TBC1D8: variants seen among roughly 807,000 people sequenced by gnomAD.
The protein encoded by TBC1D8 is TBC1 domain family member 8.
Under a neutral mutation model 118.8 loss-of-function variants are expected in TBC1D8, and 65 were observed. That is an observed-to-expected ratio of 0.55 (90% CI 0.45 to 0.67). TBC1D8 has a LOEUF of 0.67. Among genes scored for constraint, TBC1D8 ranks in the 30% least tolerant of loss-of-function variants. The pLI is 0.00. For synonymous variants in TBC1D8, 566 were observed against 595.8 expected (o/e 0.95, Z 0.73); for missense variants, 1,376 against 1,471.2 (o/e 0.94, Z 1.06).
intron 15 of TBC1D8, among the ~76,000 whole-genome samples, chr2:101,026,612 C>G (rs774885790): frequency 6.6e-6 from 1 of 152,170 alleles, no homozygotes; most frequent in Non-Finnish European, 1.5e-5. Context: ...CCCACCAAGA[C>G]GAGCTGGGGC....
intron 15 of TBC1D8, among the ~76,000 whole-genome samples, chr2:101,026,769 T>C (rs1680364688): frequency 6.6e-6 from 1 of 152,268 alleles, no homozygotes; most frequent in Non-Finnish European, 1.5e-5. Flanking sequence ...GTAATGTGCC[T>C]GAAGATGTTC....
intron 7 of TBC1D8, 76 bp downstream of exon 7, chr2:101,038,385 C>A (rs938296315): frequency 1.4e-6 from 2 of 1,481,114 alleles, no homozygotes; most frequent in African/African-American, 2.8e-5. Flanking sequence ...CATGGCTCTC[C>A]CCATGTGTAC....
chr2:101,009,420 AAAAG>A (rs1295419784), intron 19 of TBC1D8, among the ~76,000 whole-genome samples: 1 of 151,948 alleles, frequency 6.6e-6, no homozygotes, highest in Admixed American at 6.6e-5. Flanking sequence ...AAAAAAAAAA[AAAAG>A]AAAAATGCTT....
intron 2 of TBC1D8, among the ~76,000 whole-genome samples, chr2:101,078,192 T>C (rs1674971366): frequency 1.3e-5 from 2 of 152,210 alleles, no homozygotes; most frequent in African/African-American, 2.4e-5. Context: ...ACAACTCCAG[T>C]CTTCCGTTCA....
intron 12 of TBC1D8, chr2:101,028,680 G>A (rs541580507): frequency 1.1e-4 from 46 of 435,568 alleles, no homozygotes; most frequent in African/African-American, 5.9e-4. Context: ...AACATTCTGC[G>A]CATACATGCA....
chr2:101,126,566 T>C (rs1281839450), intron 1 of TBC1D8, among the ~76,000 whole-genome samples: 2 of 152,094 alleles, frequency 1.3e-5, no homozygotes, highest in Non-Finnish European at 2.9e-5. Context: ...ATTTACAAAA[T>C]GGGGGTAACC....
In TBC1D8 at chr2:101,027,362, C is replaced by G. The variant is rs772836445; in HGVS notation, c.2520+21G>C. On this transcript the variant is annotated intron_variant, in intron 15 of 19. Coordinates refer to ENST00000409318, the MANE Select transcript of TBC1D8 (RefSeq NM_001330348.2). ...GGCCAGCTCAGGGCCTGGAACCCCT[C>G]ATCTTCCCAGAGCTGCGTACCTTGA... 10 of 1,611,124 alleles carry G rather than the reference C, an allele frequency of 6.2e-6. No homozygotes were observed. The East Asian group carries it at 1.8e-4, about 29-fold the overall frequency.
chr2:101,065,098 GCCCA>G (rs1404488556), intron 2 of TBC1D8, among the ~76,000 whole-genome samples: 1 of 152,098 alleles, frequency 6.6e-6, no homozygotes, highest in African/African-American at 2.4e-5. Flanking sequence ...CATTGTCTAT[GCCCA>G]CAGCTCCTGC....
intron 3 of TBC1D8, among the ~76,000 whole-genome samples, chr2:101,054,778 G>C (rs933150240): frequency 2.8e-5 from 4 of 144,728 alleles, no homozygotes; most frequent in Non-Finnish European, 6.0e-5. Context: ...CACCTCCTGG[G>C]TTCAAGTGAT....
rs924967828 is a variant in TBC1D8 at position 101,137,460 on chromosome 2, C to A, written c.127+13667G>T. On this transcript the variant is annotated intron_variant, in intron 1 of 19. Coordinates refer to ENST00000409318, the MANE Select transcript of TBC1D8 (RefSeq NM_001330348.2). ...CTCGAGTAGCTGGGACTACAGGCGC[C>A]CGCCACCACACCCGGCAAATTTTTT... 2.6e-5 allele frequency among the ~76,000 whole-genome samples: 4 copies of A among 152,114 alleles called. No homozygotes were observed. The East Asian group carries it at 5.8e-4, about 22-fold the overall frequency.
intron 5 of TBC1D8, among the ~76,000 whole-genome samples, chr2:101,045,524 C>A (rs577108721): frequency 3.3e-5 from 5 of 152,374 alleles, no homozygotes; most frequent in African/African-American, 4.8e-5. Context: ...CAGGCCAGGG[C>A]AGCTTGGCTC....
At chr2:101,050,350 C>G (rs1027732834) in intron 5 of TBC1D8, 51 bp downstream of exon 5, 1 of 1,584,534 alleles carries the variant, frequency 6.3e-7, no homozygotes, top group African/African-American at 1.3e-5. Context: ...ATGGGCACAG[C>G]TTATGGGTCC....
chr2:101,076,117 CA>C (rs1164209598), intron 2 of TBC1D8, among the ~76,000 whole-genome samples: 3 of 152,132 alleles, frequency 2.0e-5, no homozygotes, highest in African/African-American at 7.2e-5. Context: ...AACTACAGAG[CA>C]AAAGGAGGCA....
chr2:101,116,446 G>A (rs1558716514), intron 1 of TBC1D8, among the ~76,000 whole-genome samples: 1 of 152,200 alleles, frequency 6.6e-6, no homozygotes, highest in East Asian at 1.9e-4. Flanking sequence ...GCACTGGTCT[G>A]CGTGGAGATT....
chr2:101,013,494 A>G (rs1679387048), intron 17 of TBC1D8, among the ~76,000 whole-genome samples: 1 of 152,206 alleles, frequency 6.6e-6, no homozygotes, highest in South Asian at 2.1e-4. Flanking sequence ...GTCTCACTTC[A>G]AGTACTACCC....
chr2:101,042,561 T>C (rs1681449202), intron 5 of TBC1D8, among the ~76,000 whole-genome samples: 1 of 152,116 alleles, frequency 6.6e-6, no homozygotes, highest in South Asian at 2.1e-4. Context: ...CCCCACAATA[T>C]GGTAAAACAG....
intron 2 of TBC1D8, among the ~76,000 whole-genome samples, chr2:101,082,215 T>C (rs1675310267): frequency 6.6e-6 from 1 of 152,190 alleles, no homozygotes; most frequent in Admixed American, 6.5e-5. Context: ...AAAAAGAACA[T>C]GAGACATCGA....
chr2:101,151,283 C>A lies in TBC1D8; in HGVS notation c.-30G>T. Reference sequence around the variant, plus strand: ...GCGGTCCGGCCGCGCCCGCCGGCCCCAGCTCACATCTCCCCGGCCGCCGGT... The same window carrying A: ...GCGGTCCGGCCGCGCCCGCCGGCCCAAGCTCACATCTCCCCGGCCGCCGGT... On this transcript the variant is annotated 5_prime_UTR_variant, in exon 1 of 20. Transcript: ENST00000409318. The A allele has an allele frequency of 8.9e-7, 1 of 1,125,140 alleles. No individual in the cohort carries two copies. Among genetic ancestry groups the A allele is most frequent in the Non-Finnish European group, 1.1e-6 (1 of 905,130 alleles). 69.7% of individuals were successfully genotyped at this position (1,125,140 alleles called of 1,614,324 possible).
intron 9 of TBC1D8, among the ~76,000 whole-genome samples, chr2:101,035,025 G>C (rs115523663): frequency 6.6e-6 from 1 of 152,076 alleles, no homozygotes; most frequent in Non-Finnish European, 1.5e-5. Flanking sequence ...GGCTGGGGGG[G>C]AGACAGGGAA....
Sources: gnomAD v4.1 joint callset for allele counts (sites outside exome capture counted in the v4.1 genomes callset) on GRCh38, gnomAD v4.1.1 for gene constraint, MANE v1.5 for transcripts, NCBI Gene and HGNC (gene_info 2026-07-23, HGNC 2026-07-21) for gene names.